The following LIMCH1 variants were observed in gnomAD, a reference collection of about 807,000 sequenced individuals.
LIMCH1 encodes LIM and calponin homology domains-containing protein 1.
A neutral mutation model predicts 176.5 loss-of-function variants in LIMCH1; 113 were observed. The ratio of observed to expected loss-of-function variants is 0.64; its 90% confidence interval spans 0.55 to 0.75. LIMCH1 has a LOEUF of 0.75. LIMCH1 is among the 30% of genes least tolerant of loss of function. The pLI, the probability that LIMCH1 is intolerant of heterozygous loss-of-function variation, is 0.00. For synonymous variants in LIMCH1, 619 were observed against 645.9 expected, an observed-to-expected ratio of 0.96 and a Z score of 0.63; for missense variants, 1,674 against 1,814.9, an observed-to-expected ratio of 0.92 and a Z score of 1.41.
At chr4:41,528,961 G>C (rs1583548290) in intron 3 of LIMCH1, among the ~76,000 whole-genome samples, 1 of 152,266 alleles carries the variant, frequency 6.6e-6, no homozygotes, top group African/African-American at 2.4e-5. Context: ...CCCTGAATCC[G>C]GGTCTGCATT....
intron 2 of LIMCH1, among the ~76,000 whole-genome samples, chr4:41,515,814 TAAA>T (rs1245064737): frequency 1.3e-5 from 2 of 152,200 alleles, no homozygotes; most frequent in Non-Finnish European, 2.9e-5. Context: ...AACTTCTTGC[TAAA>T]GAAGAGTTGG....
Position 41,699,508 on chromosome 4 carries a change from T to G in LIMCH1, c.*2323T>G, listed in dbSNP as rs1024813387. 1 of 152,170 alleles carries G rather than the reference T, an allele frequency of 6.6e-6. No homozygotes were observed. Among genetic ancestry groups the G allele is most frequent in the Admixed American group, 6.5e-5 (1 of 15,274 alleles). The allele number at this position is 152,170 out of a possible 1,614,324, so 9.4% of individuals were successfully genotyped here. On this transcript the variant is annotated 3_prime_UTR_variant, in exon 32 of 32. Transcript: ENST00000503057. ...CAGCTTAGGCAGACTAGATCTTGTT[T>G]TTTCCAATGCAGCATAATGAGTATG...
At chr4:41,442,450 A>C (rs1045317441) in intron 1 of LIMCH1, among the ~76,000 whole-genome samples, 1 of 152,264 alleles carries the variant, frequency 6.6e-6, no homozygotes, top group Non-Finnish European at 1.5e-5. Flanking sequence ...CATGCTTTGC[A>C]TATTCCCAAG....
intron 1 of LIMCH1, among the ~76,000 whole-genome samples, chr4:41,411,210 G>C (rs1211253365): frequency 1.3e-5 from 2 of 152,200 alleles, no homozygotes; most frequent in Non-Finnish European, 2.9e-5. Context: ...GTGTTCTTAA[G>C]TTACTAAGTT....
At chr4:41,687,789 T>G (rs754790769) in intron 28 of LIMCH1, 51 bp from the exon 29 acceptor site, 2 of 1,162,274 alleles carry the variant, frequency 1.7e-6, no homozygotes, top group Non-Finnish European at 2.6e-6. Context: ...TTTAATGGAG[T>G]TTGGCTTCTC....
rs55870317 is a variant in LIMCH1, at chr4:41,428,504, G to T, written c.97-66032G>T. On this transcript the variant is annotated intron_variant, in intron 1 of 26. Coordinates refer to the LIMCH1 transcript ENST00000313860. ...AAATGAGAAGAGCTGATAGGGAGTG[G>T]CAGAGAAAGCAAGTAAATTGGGGAT... 7.1e-3 allele frequency among the ~76,000 whole-genome samples: 1,077 copies of T among 152,274 alleles called. 17 individuals carry two copies. The highest frequency in any genetic ancestry group is 0.025 in the African/African-American group (1,027 of 41,566).
At chr4:41,445,423 AG>A (rs1475812708) in intron 1 of LIMCH1, among the ~76,000 whole-genome samples, 3 of 152,232 alleles carry the variant, frequency 2.0e-5, no homozygotes, top group Admixed American at 2.0e-4. Context: ...AGCTTTACTT[AG>A]GCAGAAAGCC....
intron 1 of LIMCH1, among the ~76,000 whole-genome samples, chr4:41,487,643 T>A (rs2154171097): frequency 6.6e-6 from 1 of 151,324 alleles, no homozygotes; most frequent in Admixed American, 6.6e-5. Context: ...GGCACCAATT[T>A]TTTTATATTC....
At chr4:41,579,664 A>G (rs1462210424) in intron 1 of LIMCH1, among the ~76,000 whole-genome samples, 1 of 152,190 alleles carries the variant, frequency 6.6e-6, no homozygotes, top group East Asian at 1.9e-4. Context: ...TACACTGCTG[A>G]GTGTAACAGC....
Position 41,444,089 on chromosome 4 carries a change from C to A in LIMCH1, c.97-50447C>A, listed in dbSNP as rs115885198. 5.9e-3 allele frequency among the ~76,000 whole-genome samples: 892 copies of A among 152,166 alleles called. 10 individuals are homozygous for A. Among genetic ancestry groups the A allele is most frequent in the African/African-American group, 0.02 (841 of 41,524 alleles). On this transcript the variant is annotated intron_variant, in intron 1 of 26. Coordinates refer to the LIMCH1 transcript ENST00000313860. Reference sequence around the variant, plus strand: ...GGACTGAAGATAGCTGAAATGTGTGCAAGAGATGGCTCAGAGATTGAAGAG... The same window carrying A: ...GGACTGAAGATAGCTGAAATGTGTGAAAGAGATGGCTCAGAGATTGAAGAG...
intron 1 of LIMCH1, among the ~76,000 whole-genome samples, chr4:41,549,107 C>G (rs986175642): frequency 6.6e-6 from 1 of 151,642 alleles, no homozygotes; most frequent in Admixed American, 6.6e-5. Context: ...CTGGGCTGGT[C>G]TCAAACTCCC....
At chr4:41,385,114 A>C (rs1044315536) in intron 1 of LIMCH1, among the ~76,000 whole-genome samples, 25 of 152,194 alleles carry the variant, frequency 1.6e-4, no homozygotes, top group African/African-American at 5.8e-4. Context: ...TGTACTCTGA[A>C]CCAGTGGATA....
intron 1 of LIMCH1, among the ~76,000 whole-genome samples, chr4:41,572,783 T>A (rs2083766871): frequency 6.6e-6 from 1 of 152,136 alleles, no homozygotes; most frequent in South Asian, 2.1e-4. Flanking sequence ...CAGTAATTCT[T>A]AGGTGGGTTA....
intron 30 of LIMCH1, among the ~76,000 whole-genome samples, chr4:41,691,936 G>A (rs1372634606): frequency 6.6e-6 from 1 of 152,086 alleles, no homozygotes. Flanking sequence ...GTTTAAAATG[G>A]TTCTTCCATT....
intron 2 of LIMCH1, among the ~76,000 whole-genome samples, chr4:41,508,404 G>A (rs549687583): frequency 9.8e-5 from 15 of 152,310 alleles, no homozygotes; most frequent in Admixed American, 8.5e-4. Context: ...TTTTAGTTTG[G>A]GCAGGATGAG....
chr4:41,579,471 T>A (rs2085040123), intron 1 of LIMCH1, among the ~76,000 whole-genome samples: 2 of 152,238 alleles, frequency 1.3e-5, no homozygotes, highest in African/African-American at 2.4e-5. Context: ...TTTACCTTAA[T>A]CTGCTTTTCA....
intron 1 of LIMCH1, among the ~76,000 whole-genome samples, chr4:41,449,158 C>A (rs762050585): frequency 6.6e-6 from 1 of 152,174 alleles, no homozygotes; most frequent in Non-Finnish European, 1.5e-5. Context: ...ACCTCTCTCT[C>A]TCATCCCCTG....
At chr4:41,528,514 A>G (rs748700207) in intron 3 of LIMCH1, among the ~76,000 whole-genome samples, 4 of 152,144 alleles carry the variant, frequency 2.6e-5, no homozygotes, top group African/African-American at 7.2e-5. Flanking sequence ...TCTTCTTCCA[A>G]ATATTCATGA....
rs997404616 is a variant in LIMCH1, at chr4:41,450,792, C to G, written c.97-43744C>G. Reference sequence around the variant, plus strand: ...CCTGGGCCATAGAGCAAGACTCTCTCTCTCTCAAAAAAAAAAAAAAAAAAA... The same window carrying G: ...CCTGGGCCATAGAGCAAGACTCTCTGTCTCTCAAAAAAAAAAAAAAAAAAA... On this transcript the variant is annotated intron_variant, in intron 1 of 26. Transcript: ENST00000313860. Among the ~76,000 whole-genome samples, 4 of 114,752 alleles carry G rather than the reference C, an allele frequency of 3.5e-5. No homozygotes were observed. The East Asian group carries it at 7.4e-4, about 21-fold the overall frequency. 75.3% of individuals were successfully genotyped at this position (114,752 alleles called of 152,430 possible). A position where few individuals can be genotyped will look rare whatever the true frequency, so the allele number is the denominator to read the frequency against.
Sources: allele counts gnomAD v4.1 joint callset (sites outside exome capture counted in the v4.1 genomes callset), GRCh38; gene constraint gnomAD v4.1.1; transcripts MANE v1.5; gene names NCBI Gene and HGNC (gene_info 2026-07-23, HGNC 2026-07-21).